Variants in NME8 observed in about 807,000 individuals in gnomAD.
NME8 encodes the protein NME/NM23 family member 8, also known as protein NME8.
Under a neutral mutation model 82.3 loss-of-function variants are expected in NME8, and 72 were observed. That is an observed-to-expected ratio of 0.87 (90% CI 0.72 to 1.06). The LOEUF is 1.06. Ranked by LOEUF, NME8 falls within the 50% of genes least tolerant of loss-of-function variation. The probability of loss-of-function intolerance (pLI) is 0.00; values close to 1 mark genes in which losing one functional copy is unlikely to be tolerated. For missense variants in NME8, 712 were observed against 685.4 expected (o/e 1.04, Z -0.43); for synonymous variants, 267 against 228.5 (o/e 1.17, Z -1.52).
At chr7:37,853,116 T>C (rs1784459512) in intron 5 of NME8, among the ~76,000 whole-genome samples, 1 of 152,200 alleles carries the variant, frequency 6.6e-6, no homozygotes, top group African/African-American at 2.4e-5. Context: ...TTGCCATCTG[T>C]ATATCTTCTT....
chr7:37,863,318 AC>A, intron 7 of NME8, 77 bp from the exon 8 acceptor site: 1 of 827,806 alleles, frequency 1.2e-6, no homozygotes, highest in Admixed American at 1.7e-5. Flanking sequence ...TTTACTAGAT[AC>A]AAAATTTCTA....
chr7:37,886,849 C>G (rs1297086405), intron 14 of NME8, among the ~76,000 whole-genome samples: 2 of 144,936 alleles, frequency 1.4e-5, no homozygotes, highest in Non-Finnish European at 3.0e-5. Flanking sequence ...ATGGAAAGGT[C>G]AAGGTGATAA....
intron 5 of NME8, 58 bp downstream of exon 5, chr7:37,850,793 TC>T (rs2131937868): frequency 9.3e-7 from 1 of 1,078,282 alleles, no homozygotes; most frequent in East Asian, 2.4e-5. Flanking sequence ...TTTTTAAGTA[TC>T]CTCTAATACT....
chr7:37,852,470 C>A (rs577809179), intron 5 of NME8, among the ~76,000 whole-genome samples: 1 of 152,264 alleles, frequency 6.6e-6, no homozygotes, highest in Admixed American at 6.5e-5. Flanking sequence ...AGTATAGTTT[C>A]ATTCCCAGCA....
intron 6 of NME8, among the ~76,000 whole-genome samples, chr7:37,861,342 C>A (rs1400492352): frequency 6.6e-6 from 1 of 152,148 alleles, no homozygotes; most frequent in Non-Finnish European, 1.5e-5. Context: ...ATTCCTTTTG[C>A]TCTTTCTTCT....
At chr7:37,888,464 T>G in intron 15 of NME8, 36 bp downstream of exon 15, 1 of 1,576,052 alleles carries the variant, frequency 6.3e-7, no homozygotes, top group Admixed American at 1.8e-5. Flanking sequence ...TGTATACATT[T>G]TCTCCAAATT....
chr7:37,894,885 C>T (rs1785197513), intron 16 of NME8, among the ~76,000 whole-genome samples: 1 of 150,962 alleles, frequency 6.6e-6, no homozygotes, highest in Non-Finnish European at 1.5e-5. Flanking sequence ...CTTCCCTTTC[C>T]TTTCCTTTCT....
rs531802529 is a variant in NME8, at chr7:37,870,293, A to C, written c.818+2395A>C. ...AAAAATATATATCATAATGTTTTTA[A>C]AAGTTTACCAATTTGAGCCGGGTGC... On this transcript the variant is annotated intron_variant, in intron 11 of 17. Coordinates refer to ENST00000199447, the MANE Select transcript of NME8 (RefSeq NM_016616.5). Among the ~76,000 whole-genome samples the C allele has an allele frequency of 2.6e-5, 4 of 152,208 alleles. No homozygotes were observed. The East Asian group carries it at 7.7e-4, about 29-fold the overall frequency.
chr7:37,857,161 A>G, intron 5 of NME8, 113 bp from the exon 6 acceptor site: 3 of 790,036 alleles, frequency 3.8e-6, no homozygotes, highest in Non-Finnish European at 6.2e-6. Flanking sequence ...GGCATACCGA[A>G]TGTTGCAGTA....
intron 11 of NME8, among the ~76,000 whole-genome samples, chr7:37,873,266 A>C (rs987892203): frequency 1.1e-4 from 17 of 151,284 alleles, no homozygotes; most frequent in Non-Finnish European, 2.2e-4. Context: ...AGGCTGAGGC[A>C]GGAGAATTGC....
Position 37,850,449 on chromosome 7 carries a change from CCGGCTGTCTG to C in NME8, c.91+15_91+24del. On this transcript the variant is annotated intron_variant, in intron 4 of 17. Transcript: ENST00000199447. ...AAGGCTTAACAGGTATAAGGACTCC[CCGGCTGTCTG>C]GCCACCTGGGGTTTGACCCGGAGCT... 6.2e-7 allele frequency: 1 copy of C among 1,614,000 alleles called. No homozygotes were observed. Among genetic ancestry groups the C allele is most frequent in the Non-Finnish European group, 8.5e-7 (1 of 1,179,902 alleles).
At chr7:37,873,325 A>C (rs1013339701) in intron 11 of NME8, among the ~76,000 whole-genome samples, 18 of 144,438 alleles carry the variant, frequency 1.2e-4, no homozygotes, top group African/African-American at 4.3e-4. Flanking sequence ...GCGCCACTGC[A>C]CTCCAGCCTG....
intron 5 of NME8, among the ~76,000 whole-genome samples, chr7:37,853,171 GTTGT>G (rs755250790): frequency 2.0e-5 from 3 of 151,976 alleles, no homozygotes; most frequent in Non-Finnish European, 4.4e-5. Flanking sequence ...TTTTAATTGG[GTTGT>G]TTGTTCTCTT....
intron 15 of NME8, among the ~76,000 whole-genome samples, chr7:37,891,329 T>TA (rs1785126049): frequency 6.6e-6 from 1 of 151,830 alleles, no homozygotes; most frequent in Non-Finnish European, 1.5e-5. Flanking sequence ...TTTGAGGTCT[T>TA]ACCAAAAAAA....
chr7:37,890,901 A>T (rs962542134), intron 15 of NME8, among the ~76,000 whole-genome samples: 1 of 152,004 alleles, frequency 6.6e-6, no homozygotes, highest in African/African-American at 2.4e-5. Flanking sequence ...TAATGCTGCA[A>T]TAAACATGTG....
At chr7:37,871,851 C>T (rs1365685767) in intron 11 of NME8, among the ~76,000 whole-genome samples, 2 of 152,144 alleles carry the variant, frequency 1.3e-5, no homozygotes, top group East Asian at 3.9e-4. Flanking sequence ...ATAATAGATA[C>T]AATTCCTAAA....
At chr7:37,865,692 C>T (rs1583631330) in intron 10 of NME8, 75 bp downstream of exon 10, 2 of 1,001,360 alleles carry the variant, frequency 2.0e-6, no homozygotes, top group Middle Eastern at 2.1e-4. Flanking sequence ...ATCTTTATTA[C>T]AGAAAAGCAA....
chr7:37,864,630 T>C (rs1784649416), intron 9 of NME8, among the ~76,000 whole-genome samples: 1 of 152,148 alleles, frequency 6.6e-6, no homozygotes, highest in Non-Finnish European at 1.5e-5. Flanking sequence ...TCTACCAGCA[T>C]CCTATGTAAA....
chr7:37,865,565 C>G lies in NME8; in HGVS notation c.569C>G (p.Thr190Arg), dbSNP rs149877831. Residue 190 changes from threonine (T) to arginine (R), a missense_variant, in exon 10 of 18, where the codon ACA becomes AGA. By Grantham distance (71) the Thr-to-Arg change is moderately conservative (BLOSUM62 -1). Coordinates refer to ENST00000199447, the MANE Select transcript of NME8 (RefSeq NM_016616.5). ...TTTATTATAGAAGCAGAGCATAAGA[C>G]AGTGCTCACTGAAGAACAAGTTGTC... is the stretch of plus-strand genomic sequence containing the variant. ...AGFIIEAEHK[T>R]VLTEEQVVNF... 19 of 1,613,160 alleles carry G rather than the reference C, an allele frequency of 1.2e-5. No homozygotes were observed. The African/African-American group carries it at 2.4e-4, about 20-fold the overall frequency.
Sources: allele counts gnomAD v4.1 joint callset (sites outside exome capture counted in the v4.1 genomes callset), GRCh38; gene constraint gnomAD v4.1.1; transcripts MANE v1.5; gene names NCBI Gene and HGNC (gene_info 2026-07-23, HGNC 2026-07-21).